The following EVA1C variants were observed in gnomAD, a reference collection of about 807,000 sequenced individuals.
The protein encoded by EVA1C is eva-1 homolog C, also known as protein eva-1 homolog C.
In EVA1C, 25 loss-of-function variants were observed where a neutral mutation model predicts 45.4. That is an observed-to-expected ratio of 0.55 (90% CI 0.40 to 0.77). EVA1C has a LOEUF of 0.77. Ranked by LOEUF, EVA1C falls within the 30% of genes least tolerant of loss-of-function variation. EVA1C has a pLI of 0.00. For missense variants in EVA1C, 479 were observed against 554.8 expected, an observed-to-expected ratio of 0.86 and a Z score of 1.37; for synonymous variants, 190 against 221.2, an observed-to-expected ratio of 0.86 and a Z score of 1.25.
At chr21:32,496,688 G>A (rs1034380715) in intron 5 of EVA1C, 3 of 571,230 alleles carry the variant, frequency 5.3e-6, no homozygotes, top group Non-Finnish European at 9.3e-6. Flanking sequence ...GTAACTTCAG[G>A]CCTCTTCATC....
At chr21:32,490,547 CT>C (rs1280826761) in intron 4 of EVA1C, among the ~76,000 whole-genome samples, 2 of 152,214 alleles carry the variant, frequency 1.3e-5, no homozygotes, top group East Asian at 3.9e-4. Flanking sequence ...CCAGTGAGTC[CT>C]TTTTAAGGCT....
chr21:32,423,669 G>A (rs530365619), intron 1 of EVA1C, among the ~76,000 whole-genome samples: 58 of 151,538 alleles, frequency 3.8e-4, no homozygotes, highest in Non-Finnish European at 7.1e-4. Flanking sequence ...TGTTCTCTCC[G>A]ACACCTGTAT....
intron 4 of EVA1C, among the ~76,000 whole-genome samples, chr21:32,469,192 G>A (rs532121285): frequency 3.9e-5 from 6 of 152,330 alleles, no homozygotes; most frequent in African/African-American, 1.2e-4. Context: ...CAGTGGATGG[G>A]GAAGTGGTGA....
intron 7 of EVA1C, among the ~76,000 whole-genome samples, chr21:32,513,015 A>T (rs2038007932): frequency 6.6e-6 from 1 of 151,442 alleles, no homozygotes. Flanking sequence ...TATAGTAAGT[A>T]TTATAATACT....
At chr21:32,440,210 T>G (rs1007692982) in intron 1 of EVA1C, among the ~76,000 whole-genome samples, 6 of 152,186 alleles carry the variant, frequency 3.9e-5, no homozygotes, top group Non-Finnish European at 8.8e-5. Flanking sequence ...ATTTCATATC[T>G]GAGTTTTAAG....
chr21:32,496,707 G>A (rs2064379141), intron 5 of EVA1C: 1 of 590,782 alleles, frequency 1.7e-6, no homozygotes, highest in African/African-American at 1.9e-5. Flanking sequence ...TCAGAGTGTT[G>A]AATAAGAAGC....
chr21:32,496,694 T>A, intron 5 of EVA1C: 1 of 579,012 alleles, frequency 1.7e-6, no homozygotes, highest in South Asian at 2.0e-5. Flanking sequence ...TCAGGCCTCT[T>A]CATCAGAGTG....
chr21:32,438,627 C>A (rs1378259039), intron 1 of EVA1C, among the ~76,000 whole-genome samples: 1 of 152,062 alleles, frequency 6.6e-6, no homozygotes, highest in African/African-American at 2.4e-5. Flanking sequence ...AACCTCTTCA[C>A]CACCCAGCGC....
intron 1 of EVA1C, among the ~76,000 whole-genome samples, chr21:32,433,953 T>G (rs1442329023): frequency 1.3e-5 from 2 of 151,552 alleles, no homozygotes; most frequent in South Asian, 4.2e-4. Context: ...GAGGCCAAGG[T>G]TCAAGACCAA....
At chr21:32,454,748 A>G (rs2035716841) in intron 2 of EVA1C, among the ~76,000 whole-genome samples, 1 of 152,122 alleles carries the variant, frequency 6.6e-6, no homozygotes. Flanking sequence ...GAGAAATAAG[A>G]GTAGCTTTAA....
intron 1 of EVA1C, among the ~76,000 whole-genome samples, chr21:32,446,931 C>T (rs1445329116): frequency 6.6e-6 from 1 of 152,156 alleles, no homozygotes; most frequent in Non-Finnish European, 1.5e-5. Flanking sequence ...TGTGTGATTC[C>T]CTCACTCTGA....
intron 4 of EVA1C, among the ~76,000 whole-genome samples, chr21:32,483,774 T>G (rs957573989): frequency 1.1e-4 from 16 of 152,180 alleles, no homozygotes; most frequent in South Asian, 8.3e-4. Flanking sequence ...ACTTAATTGT[T>G]GAGTGCCTAC....
intron 4 of EVA1C, 73 bp downstream of exon 4, chr21:32,467,921 T>A: frequency 1.2e-6 from 1 of 864,212 alleles, no homozygotes; most frequent in Non-Finnish European, 1.6e-6. Flanking sequence ...TATATATATA[T>A]CCTATATATA....
rs1006990669 is a variant in EVA1C, at chr21:32,474,250, C to T, written c.634+6402C>T. Among the ~76,000 whole-genome samples the T allele has an allele frequency of 6.6e-6, 1 of 152,212 alleles. No individual in the cohort carries two copies. The stretch of plus-strand genomic sequence containing the variant: ...TAAATTAAACCAGAGCACACCGCAC[C>T]TCCGCTTAAAGCCCTCCACTCTGCA... On this transcript the variant is annotated intron_variant, in intron 4 of 7. Coordinates refer to ENST00000300255, the MANE Select transcript of EVA1C (RefSeq NM_058187.5). This position sits in a 1 kb window ranked among gnomAD's most constrained non-coding sequence, Gnocchi z 4.4.
chr21:32,448,930 AAG>A (rs1450073487), intron 1 of EVA1C, among the ~76,000 whole-genome samples: 7 of 145,998 alleles, frequency 4.8e-5, no homozygotes, highest in African/African-American at 5.2e-5. Context: ...GAAAGAAAGA[AAG>A]AGAGAGAAAG....
chr21:32,470,354 G>A (rs980642029), intron 4 of EVA1C, among the ~76,000 whole-genome samples: 14 of 152,206 alleles, frequency 9.2e-5, no homozygotes, highest in African/African-American at 3.1e-4. Context: ...ATGGTGGAGG[G>A]TCTGTTGGAG....
intron 4 of EVA1C, among the ~76,000 whole-genome samples, chr21:32,475,363 TCATCA>T (rs941719338): frequency 8.6e-5 from 13 of 151,588 alleles, no homozygotes; most frequent in African/African-American, 2.9e-4. Context: ...ATCATCATCA[TCATCA>T]TTTTTATTGT....
At chr21:32,459,648 C>G (rs1199316826) in intron 3 of EVA1C, among the ~76,000 whole-genome samples, 3 of 151,980 alleles carry the variant, frequency 2.0e-5, no homozygotes, top group African/African-American at 7.3e-5. Flanking sequence ...TTGAGACCAG[C>G]CTGACCAACA....
intron 1 of EVA1C, among the ~76,000 whole-genome samples, chr21:32,447,854 T>C (rs1568892782): frequency 6.6e-6 from 1 of 152,142 alleles, no homozygotes; most frequent in Non-Finnish European, 1.5e-5. Context: ...TACAAGCGCC[T>C]GCCACCACGT....
Sources: allele counts gnomAD v4.1 joint callset (sites outside exome capture counted in the v4.1 genomes callset), GRCh38; gene constraint gnomAD v4.1.1; non-coding constraint Gnocchi (gnomAD v3.1); transcripts MANE v1.5; gene names NCBI Gene and HGNC (gene_info 2026-07-23, HGNC 2026-07-21).